SVIL: variants seen among roughly 807,000 people sequenced by gnomAD.
SVIL encodes the protein archvillin.
Under a neutral mutation model 240.4 loss-of-function variants are expected in SVIL, and 101 were observed. That is an observed-to-expected ratio of 0.42 (90% CI 0.36 to 0.50). The LOEUF is 0.50. SVIL is among the 20% of genes least tolerant of loss of function. SVIL has a pLI of 0.01. For synonymous variants in SVIL, 999 were observed against 1,100.0 expected (o/e 0.91, Z 1.82); for missense variants, 2,512 against 2,818.7 (o/e 0.89, Z 2.46).
chr10:29,631,181 C>T (rs1958075263), intron 1 of SVIL, among the ~76,000 whole-genome samples: 1 of 152,232 alleles, frequency 6.6e-6, no homozygotes, highest in Non-Finnish European at 1.5e-5. Context: ...GGGGAGGCTA[C>T]AGAGCCCAGG....
intron 18 of SVIL, among the ~76,000 whole-genome samples, chr10:29,495,409 G>C (rs997419035): frequency 6.6e-6 from 1 of 152,114 alleles, no homozygotes; most frequent in Non-Finnish European, 1.5e-5. Flanking sequence ...CTGACAAGCC[G>C]ATATTCCAAA....
intron 2 of SVIL, among the ~76,000 whole-genome samples, chr10:29,681,077 G>A (rs1960605858): frequency 6.6e-6 from 1 of 152,134 alleles, no homozygotes; most frequent in Admixed American, 6.5e-5. Flanking sequence ...AGAGAGGTGA[G>A]TTCCCTGTGG....
At position 29,595,807 on chromosome 10, in the gene SVIL, C is replaced by T. The variant is rs531543286; in HGVS notation, c.-200-26495G>A. Among the ~76,000 whole-genome samples, 305 of 152,244 alleles carry T rather than the reference C, an allele frequency of 2.0e-3. 1 individual carries two copies. The highest frequency in any genetic ancestry group is 2.8e-3 in the Non-Finnish European group (189 of 68,022). The stretch of plus-strand genomic sequence containing the variant: ...TTGCCCTCTCCGTAGGACCCAGGTG[C>T]CAGGCCAGCAGTTGTGGTGAGCTGA... On this transcript the variant is annotated intron_variant, in intron 1 of 37. Coordinates refer to ENST00000355867, the MANE Select transcript of SVIL (RefSeq NM_021738.3).
At chr10:29,713,286 G>GTC (rs1963416236) in intron 1 of SVIL, among the ~76,000 whole-genome samples, 1 of 151,916 alleles carries the variant, frequency 6.6e-6, no homozygotes, top group Non-Finnish European at 1.5e-5. Flanking sequence ...GTGTGTGTGT[G>GTC]TGTGCATGTG....
chr10:29,495,139 A>G lies in SVIL; in HGVS notation c.3707T>C (p.Ile1236Thr). The change falls in exon 19 of 38, where the codon ATT (isoleucine) becomes ACT (threonine). Residue 1236 changes from isoleucine (I) to threonine (T), a missense_variant. Around this residue, in one of 3 missense-constraint regions of SVIL, gnomAD observed 272 missense variants for 406.8 expected, o/e 0.67. Coordinates refer to ENST00000355867, the MANE Select transcript of SVIL (RefSeq NM_021738.3). Reference sequence around the variant, plus strand: ...TGTGGTGCCTCTTGTTTTACCGCAAATGGGTGAGGCTACTGGGGTTATGGC... The same window carrying G: ...TGTGGTGCCTCTTGTTTTACCGCAAGTGGGTGAGGCTACTGGGGTTATGGC... ...PTAITPVASPICGKTRGTTPV... is the reference protein window; with the variant it reads ...PTAITPVASPTCGKTRGTTPV... 1 of 1,575,922 alleles carries G rather than the reference A, an allele frequency of 6.3e-7. No individual in the cohort carries two copies.
chr10:29,458,024 C>G lies in SVIL; in HGVS notation c.*223G>C. ...CACATAACAGATACTTTTATTAATT[C>G]TGATAACCTCCTGAATGGTGGAAAG... is the stretch of plus-strand genomic sequence containing the variant. On this transcript the variant is annotated 3_prime_UTR_variant, in exon 38 of 38. Transcript: ENST00000355867. The G allele has an allele frequency of 2.2e-6, 1 of 463,106 alleles. No homozygotes were observed. The allele number at this position is 463,106 out of a possible 1,614,324, so 28.7% of individuals were successfully genotyped here.
At chr10:29,637,437 G>C (rs1269443916), upstream of SVIL, among the ~76,000 whole-genome samples, 2 of 152,160 alleles carry the variant, frequency 1.3e-5, no homozygotes, top group Non-Finnish European at 2.9e-5. Context: ...AGGTTGCAGT[G>C]AGCCAAGATC....
chr10:29,589,259 C>A (rs1022852929), intron 1 of SVIL, among the ~76,000 whole-genome samples: 2 of 152,178 alleles, frequency 1.3e-5, no homozygotes, highest in African/African-American at 4.8e-5. Context: ...CACATCATCG[C>A]CCGCACGGCC....
intron 1 of SVIL, among the ~76,000 whole-genome samples, chr10:29,613,851 C>T (rs1289095462): frequency 6.6e-6 from 1 of 152,164 alleles, no homozygotes. Flanking sequence ...AAAGGATTGA[C>T]CTAAGGGTAC....
At chr10:29,713,924 A>G (rs1963452997) in intron 1 of SVIL, among the ~76,000 whole-genome samples, 1 of 152,226 alleles carries the variant, frequency 6.6e-6, no homozygotes, top group Non-Finnish European at 1.5e-5. Context: ...AGCTTTTGGA[A>G]GCCAAATATG....
In SVIL at chr10:29,509,289, AAGAG is replaced by A. The variant is rs1473243933; in HGVS notation, c.3516+3442_3516+3445del. On this transcript the variant is annotated intron_variant, in intron 17 of 37. Transcript: ENST00000355867. ...ATAAGGGCAGCAAGGAAGAGAAAGAAAGAGAAAGAGGGGGAGAGAGAAAGGGAGA... is the reference window on the plus strand; with the variant it reads ...ATAAGGGCAGCAAGGAAGAGAAAGAAAAAGAGGGGGAGAGAGAAAGGGAGA... 4.2e-5 allele frequency among the ~76,000 whole-genome samples: 6 copies of A among 141,612 alleles called. No individual in the cohort carries two copies. In the South Asian group the frequency reaches 9.9e-4, roughly 23 times the overall value. 92.9% of individuals were successfully genotyped at this position (141,612 alleles called of 152,430 possible).
At chr10:29,542,017 C>A (rs563448743) in intron 6 of SVIL, among the ~76,000 whole-genome samples, 2 of 152,286 alleles carry the variant, frequency 1.3e-5, no homozygotes, top group African/African-American at 4.8e-5. Context: ...CATGATTAGA[C>A]AAAAGGCTGT....
rs1951294858 is a variant in SVIL at position 29,530,682 on chromosome 10, C to T, written c.2045-14G>A. 1 of 1,614,072 alleles carries T rather than the reference C, an allele frequency of 6.2e-7. No homozygotes were observed. Among genetic ancestry groups the T allele is most frequent in the Non-Finnish European group, 8.5e-7 (1 of 1,179,958 alleles). On this transcript the variant is annotated splice_polypyrimidine_tract_variant and intron_variant, in intron 10 of 37. Transcript: ENST00000355867. ...CCTTTTCTTCATCTGCAAAAAGCCA[C>T]AAATTAAAAACTGGACATCATTAGA... is the stretch of plus-strand genomic sequence containing the variant.
At chr10:29,614,668 G>A (rs1454332483) in intron 1 of SVIL, among the ~76,000 whole-genome samples, 3 of 152,090 alleles carry the variant, frequency 2.0e-5, no homozygotes, top group African/African-American at 4.8e-5. Context: ...TCAGAGGATG[G>A]GGGCATAGGG....
intron 1 of SVIL, among the ~76,000 whole-genome samples, chr10:29,596,143 TGTAGCTATGCACCA>T (rs1460662684): frequency 6.6e-6 from 1 of 152,222 alleles, no homozygotes; most frequent in African/African-American, 2.4e-5. Context: ...TAGTGGGCTC[TGTAGCTATGCACCA>T]CCATAATTTG....
At chr10:29,563,025 A>G (rs984018717) in intron 3 of SVIL, among the ~76,000 whole-genome samples, 176 bp downstream of exon 3, 3 of 152,230 alleles carry the variant, frequency 2.0e-5, no homozygotes, top group African/African-American at 7.2e-5. Flanking sequence ...AGGATTAAAA[A>G]TGCATGGATG....
At chr10:29,576,276 T>C (rs1278533851) in intron 1 of SVIL, 3 of 237,294 alleles carry the variant, frequency 1.3e-5, no homozygotes, top group Non-Finnish European at 2.1e-5. Context: ...ACTAGCATAC[T>C]TGATGGGATC....
At chr10:29,627,031 T>C (rs1957902084) in intron 1 of SVIL, among the ~76,000 whole-genome samples, 1 of 148,738 alleles carries the variant, frequency 6.7e-6, no homozygotes, top group South Asian at 2.1e-4. Context: ...CTCAAAAAAA[T>C]AAAATGAAAA....
chr10:29,478,275 G>A (rs1243870779), intron 29 of SVIL, among the ~76,000 whole-genome samples: 1 of 152,024 alleles, frequency 6.6e-6, no homozygotes, highest in Non-Finnish European at 1.5e-5. Flanking sequence ...GTTATTAATT[G>A]TTATTGTTAT....
Sources: allele counts gnomAD v4.1 joint callset (sites outside exome capture counted in the v4.1 genomes callset), GRCh38; gene constraint gnomAD v4.1.1; regional missense constraint gnomAD v4.1.1; transcripts MANE v1.5; gene names NCBI Gene and HGNC (gene_info 2026-07-23, HGNC 2026-07-21).